The following HMGB1 variants were observed in gnomAD, a reference collection of about 807,000 sequenced individuals.
The protein encoded by HMGB1 is high mobility group protein B1.
For missense variants in HMGB1, 79 were observed against 253.5 expected, an observed-to-expected ratio of 0.31 and a Z score of 4.67; for synonymous variants, 81 against 84.0, an observed-to-expected ratio of 0.96 and a Z score of 0.19.
At chr13:30,510,490 G>A (rs58725178) in intron 1 of HMGB1, among the ~76,000 whole-genome samples, 15,098 of 152,100 alleles carry the variant, frequency 0.099, 1,101 homozygotes, top group African/African-American at 0.19. Context: ...TCTGGAATCC[G>A]TTACTAAACT....
At chr13:30,540,021 A>G in intron 1 of HMGB1, 1 of 156,840 alleles carries the variant, frequency 6.4e-6, no homozygotes, top group Non-Finnish European at 1.4e-5. Flanking sequence ...CATTAGAGTG[A>G]TGGTCAATCT....
chr13:30,553,278 C>A (rs565025533), intron 1 of HMGB1, among the ~76,000 whole-genome samples: 3 of 152,286 alleles, frequency 2.0e-5, no homozygotes, highest in Admixed American at 2.0e-4. Context: ...AATAAACTCC[C>A]TACCTACCTC....
At chr13:30,495,013 C>T (rs1887579279) in intron 1 of HMGB1, among the ~76,000 whole-genome samples, 1 of 152,136 alleles carries the variant, frequency 6.6e-6, no homozygotes, top group African/African-American at 2.4e-5. Context: ...TTTCCTTCAC[C>T]TTTAAGATGG....
chr13:30,485,536 T>C (rs181155777), intron 1 of HMGB1, among the ~76,000 whole-genome samples: 168 of 151,932 alleles, frequency 1.1e-3, no homozygotes, highest in African/African-American at 3.9e-3. Context: ...TGACTTTTTT[T>C]AGAGCGAGGG....
chr13:30,465,184 C>G lies in HMGB1; in HGVS notation c.-15+612G>C, dbSNP rs1405941445. Reference sequence around the variant, plus strand: ...AGCGAGCGCAGCGGCGCCGCTCCCCCCGCCGCCCGGCCGCCGCCGCCGCCG... The same window carrying G: ...AGCGAGCGCAGCGGCGCCGCTCCCCGCGCCGCCCGGCCGCCGCCGCCGCCG... On this transcript the variant is annotated intron_variant, in intron 1 of 4. Coordinates refer to ENST00000341423, the MANE Select transcript of HMGB1 (RefSeq NM_002128.7). 5.4e-5 allele frequency: 51 copies of G among 942,298 alleles called. No homozygotes were observed. In the African/African-American group the frequency reaches 5.4e-4, roughly 10 times the overall value. 58.4% of individuals were successfully genotyped at this position (942,298 alleles called of 1,614,324 possible).
intron 1 of HMGB1, among the ~76,000 whole-genome samples, chr13:30,471,408 C>T (rs1042921248): frequency 7.9e-5 from 12 of 151,878 alleles, no homozygotes; most frequent in Admixed American, 3.9e-4. Context: ...AGTGCAGTGG[C>T]GCGATCTCGG....
chr13:30,503,037 C>G (rs1205365727), intron 1 of HMGB1, among the ~76,000 whole-genome samples: 1 of 151,960 alleles, frequency 6.6e-6, no homozygotes, highest in Non-Finnish European at 1.5e-5. Flanking sequence ...TACAAACAAA[C>G]AGATAAAAGT....
At chr13:30,567,445 G>C (rs1245237385) in intron 1 of HMGB1, among the ~76,000 whole-genome samples, 1 of 151,564 alleles carries the variant, frequency 6.6e-6, no homozygotes, top group East Asian at 1.9e-4. Flanking sequence ...CTGGGTACTG[G>C]TTCAAGCAAT....
chr13:30,476,382 G>T (rs915097562), intron 1 of HMGB1, among the ~76,000 whole-genome samples: 1 of 151,732 alleles, frequency 6.6e-6, no homozygotes, highest in Admixed American at 6.6e-5. Flanking sequence ...CAAGTGTTCT[G>T]CCCACCTCAG....
At chr13:30,504,781 A>G (rs1299743289) in intron 1 of HMGB1, among the ~76,000 whole-genome samples, 2 of 150,702 alleles carry the variant, frequency 1.3e-5, no homozygotes, top group Non-Finnish European at 2.9e-5. Context: ...AATACCAGAT[A>G]ATACTGGCCA....
At chr13:30,466,510 C>G (rs1886791393), upstream of HMGB1, among the ~76,000 whole-genome samples, 1 of 152,142 alleles carries the variant, frequency 6.6e-6, no homozygotes, top group African/African-American at 2.4e-5. Context: ...AAAGGCAGGG[C>G]TTCTATAAGA....
chr13:30,473,232 G>A (rs1222166919), intron 1 of HMGB1, among the ~76,000 whole-genome samples: 2 of 152,120 alleles, frequency 1.3e-5, no homozygotes, highest in African/African-American at 2.4e-5. Flanking sequence ...CAGCTTCTCC[G>A]TGGGCAGCAT....
chr13:30,589,069 G>A (rs1451598175), intron 1 of HMGB1, among the ~76,000 whole-genome samples: 2 of 149,454 alleles, frequency 1.3e-5, no homozygotes, highest in East Asian at 2.0e-4. Flanking sequence ...GCAATGGCAC[G>A]ATCTTGGCTC....
At chr13:30,538,497 T>TCTTTCCTTC (rs1555238745) in intron 1 of HMGB1, among the ~76,000 whole-genome samples, 1 of 46,880 alleles carries the variant, frequency 2.1e-5, no homozygotes, top group Non-Finnish European at 4.3e-5. Context: ...TTTCTTTCTT[T>TCTTTCCTTC]CTTTCTTTCT....
rs1310289600 is a variant in HMGB1 at position 30,459,994 on chromosome 13, TG to T, written c.*1362del. On this transcript the variant is annotated 3_prime_UTR_variant, in exon 5 of 5. Coordinates refer to ENST00000341423, the MANE Select transcript of HMGB1 (RefSeq NM_002128.7). ...AAAACAGCACTCCATCACAAAAGCGTGTAAAATTACAAGAACGCTATTTTAA... is the reference window on the plus strand; with the variant it reads ...AAAACAGCACTCCATCACAAAAGCGTTAAAATTACAAGAACGCTATTTTAA... 6.6e-6 allele frequency: 1 copy of T among 152,552 alleles called. No individual in the cohort carries two copies. The highest frequency in any genetic ancestry group is 1.9e-4 in the East Asian group (1 of 5,200). The allele number at this position is 152,552 out of a possible 1,614,324, so 9.4% of individuals were successfully genotyped here. A position where few individuals can be genotyped will look rare whatever the true frequency, so the allele number is the denominator to read the frequency against.
intron 1 of HMGB1, chr13:30,465,038 G>A (rs1372486214): frequency 9.4e-6 from 4 of 427,282 alleles, no homozygotes; most frequent in East Asian, 3.6e-4. Flanking sequence ...CGGAGAACGC[G>A]GGGCTGTGAA....
At chr13:30,512,591 C>G (rs1342636211) in intron 1 of HMGB1, among the ~76,000 whole-genome samples, 1 of 152,212 alleles carries the variant, frequency 6.6e-6, no homozygotes, top group Non-Finnish European at 1.5e-5. Context: ...CCCCTGCAGA[C>G]CAAATGCATT....
intron 1 of HMGB1, among the ~76,000 whole-genome samples, chr13:30,482,308 A>G (rs77616480): frequency 2.0e-5 from 3 of 152,160 alleles, no homozygotes; most frequent in African/African-American, 7.2e-5. Context: ...TAAATAAAAC[A>G]AAAACCTACA....
At chr13:30,478,857 T>C (rs1887161008) in intron 1 of HMGB1, among the ~76,000 whole-genome samples, 1 of 101,812 alleles carries the variant, frequency 9.8e-6, no homozygotes, top group South Asian at 4.4e-4. Context: ...TTCTTTTTTC[T>C]TTTCTTTTCT....
Sources: gnomAD v4.1 joint callset for allele counts (sites outside exome capture counted in the v4.1 genomes callset) on GRCh38, gnomAD v4.1.1 for gene constraint, MANE v1.5 for transcripts, NCBI Gene and HGNC (gene_info 2026-07-23, HGNC 2026-07-21) for gene names.